The following MYLK variants were observed in gnomAD, a reference collection of about 807,000 sequenced individuals.
MYLK encodes myosin light chain kinase, also known as myosin light chain kinase, smooth muscle.
A neutral mutation model predicts 203.4 loss-of-function variants in MYLK; 106 were observed. The ratio of observed to expected loss-of-function variants is 0.52; its 90% CI spans 0.45 to 0.61. MYLK has a LOEUF of 0.61. Among genes scored for constraint, MYLK ranks in the 20% least tolerant of loss-of-function variants. The pLI, the probability that MYLK is intolerant of heterozygous loss-of-function variation, is 0.00. For missense variants in MYLK, 2,072 were observed against 2,442.3 expected, an observed-to-expected ratio of 0.85 and a Z score of 3.20; for synonymous variants, 867 against 959.5, an observed-to-expected ratio of 0.90 and a Z score of 1.78.
At chr3:123,679,105 G>T (rs370796163) in intron 20 of MYLK, among the ~76,000 whole-genome samples, 3 of 152,022 alleles carry the variant, frequency 2.0e-5, no homozygotes, top group African/African-American at 7.2e-5. Context: ...TCAAGAGATC[G>T]AGACCATCCT....
At chr3:123,757,201 T>C (rs1288818879) in intron 4 of MYLK, among the ~76,000 whole-genome samples, 1 of 152,192 alleles carries the variant, frequency 6.6e-6, no homozygotes, top group Admixed American at 6.5e-5. Flanking sequence ...CTCTAACATA[T>C]ATCAAGGGCT....
At chr3:123,706,698 CTA>C (rs1353818192) in intron 16 of MYLK, among the ~76,000 whole-genome samples, 2 of 151,914 alleles carry the variant, frequency 1.3e-5, no homozygotes, top group Admixed American at 1.3e-4. Flanking sequence ...CCAATGTCGA[CTA>C]TGGGCTCTCC....
Position 123,613,842 on chromosome 3 carries a change from T to C in MYLK, c.*263A>G, listed in dbSNP as rs2057316365. 2 of 484,982 alleles carry C rather than the reference T, an allele frequency of 4.1e-6. No individual in the cohort carries two copies. Among genetic ancestry groups the C allele is most frequent in the Non-Finnish European group, 7.5e-6 (2 of 267,068 alleles). The allele number at this position is 484,982 out of a possible 1,614,324, so 30.0% of individuals were successfully genotyped here. ...TTGGTTACTTTCTCTCTAAAATCAATTGGTCAGTCAAGTTACTGGTGATTT... is the reference window on the plus strand; with the variant it reads ...TTGGTTACTTTCTCTCTAAAATCAACTGGTCAGTCAAGTTACTGGTGATTT... On this transcript the variant is annotated 3_prime_UTR_variant, in exon 34 of 34. Transcript: ENST00000360304.
intron 2 of MYLK, among the ~76,000 whole-genome samples, chr3:123,846,650 G>A (rs1375434586): frequency 1.3e-5 from 2 of 152,084 alleles, no homozygotes; most frequent in Admixed American, 6.6e-5. Context: ...AGCAGCGTAG[G>A]AGACTGTCAT....
At chr3:123,673,360 A>G (rs995782286) in intron 20 of MYLK, among the ~76,000 whole-genome samples, 1 of 151,408 alleles carries the variant, frequency 6.6e-6, no homozygotes. Flanking sequence ...GTGAGCTCCC[A>G]CTTTGGCCTC....
At chr3:123,705,316 G>A (rs1402181125) in intron 16 of MYLK, among the ~76,000 whole-genome samples, 1 of 152,194 alleles carries the variant, frequency 6.6e-6, no homozygotes, top group East Asian at 1.9e-4. Context: ...AGTGGCCTCC[G>A]AAAGGAATGA....
intron 4 of MYLK, among the ~76,000 whole-genome samples, chr3:123,759,706 A>C (rs1017733246): frequency 6.6e-6 from 1 of 152,224 alleles, no homozygotes; most frequent in African/African-American, 2.4e-5. Context: ...TTATCTTTGA[A>C]TATTGAGAGA....
intron 3 of MYLK, among the ~76,000 whole-genome samples, chr3:123,811,985 A>C (rs1011567810): frequency 6.6e-6 from 1 of 152,200 alleles, no homozygotes; most frequent in Non-Finnish European, 1.5e-5. Flanking sequence ...TATCACCTGG[A>C]GCTTTTATCA....
At chr3:123,685,738 C>T (rs1450377527) in intron 19 of MYLK, among the ~76,000 whole-genome samples, 1 of 152,210 alleles carries the variant, frequency 6.6e-6, no homozygotes, top group Non-Finnish European at 1.5e-5. Flanking sequence ...ACACTCCCTG[C>T]CCTGCCCCAT....
At chr3:123,708,615 T>G in intron 15 of MYLK, 83 bp downstream of exon 15, 7 of 1,510,798 alleles carry the variant, frequency 4.6e-6, no homozygotes, top group Non-Finnish European at 5.5e-6. Context: ...AGTAGCCTCA[T>G]GTGGTTTCCT....
chr3:123,701,778 G>T (rs1335014731), intron 16 of MYLK, among the ~76,000 whole-genome samples: 1 of 152,220 alleles, frequency 6.6e-6, no homozygotes, highest in East Asian at 1.9e-4. Context: ...ACACTTTTCT[G>T]TAAGTATATA....
chr3:123,691,124 C>T (rs900436108), intron 19 of MYLK: 5 of 152,196 alleles, frequency 3.3e-5, no homozygotes, highest in African/African-American at 9.7e-5. Context: ...CTCCGAAAGC[C>T]GATAACCTCC....
Position 123,768,787 on chromosome 3 carries a change from C to A in MYLK, c.166-16249G>T, listed in dbSNP as rs16834753. On this transcript the variant is annotated intron_variant, in intron 4 of 33. Transcript: ENST00000360304. Reference sequence around the variant, plus strand: ...ATTTTTCCTCCTAATTGTGTCCTTTCGAAACATCTTCACCATACACTGTCT... The same window carrying A: ...ATTTTTCCTCCTAATTGTGTCCTTTAGAAACATCTTCACCATACACTGTCT... 3.6e-3 allele frequency among the ~76,000 whole-genome samples: 546 copies of A among 152,304 alleles called. 13 individuals carry two copies. The highest frequency in any genetic ancestry group is 0.029 in the Admixed American group (444 of 15,302).
At chr3:123,717,386 G>A (rs1411919146) in intron 13 of MYLK, among the ~76,000 whole-genome samples, 1 of 152,156 alleles carries the variant, frequency 6.6e-6, no homozygotes, top group Non-Finnish European at 1.5e-5. Context: ...TAATAAATAT[G>A]CTTGTTATAT....
At chr3:123,759,921 G>C (rs371479929) in intron 4 of MYLK, among the ~76,000 whole-genome samples, 1 of 152,266 alleles carries the variant, frequency 6.6e-6, no homozygotes, top group Non-Finnish European at 1.5e-5. Flanking sequence ...CTCTGGACCC[G>C]CTCAGGTATA....
intron 13 of MYLK, among the ~76,000 whole-genome samples, chr3:123,714,386 C>T (rs2061822528): frequency 1.3e-5 from 2 of 152,160 alleles, no homozygotes; most frequent in Admixed American, 1.3e-4. Context: ...CTACCCATTA[C>T]CCTGGGAGTC....
chr3:123,636,610 C>T (rs1014109318), intron 29 of MYLK, among the ~76,000 whole-genome samples: 5 of 152,190 alleles, frequency 3.3e-5, no homozygotes, highest in African/African-American at 9.6e-5. Flanking sequence ...GGCCTGGGGC[C>T]GCCCTGAAAG....
rs1318837657 is a variant in MYLK at position 123,614,183 on chromosome 3, T to C, written c.5667A>G (p.Gly1889=). 3.1e-6 allele frequency: 5 copies of C among 1,614,086 alleles called. No individual in the cohort carries two copies. Among genetic ancestry groups the C allele is most frequent in the Non-Finnish European group, 4.2e-6 (5 of 1,180,048 alleles). Residue 1889 remains glycine, a synonymous_variant, in exon 34 of 34, where the codon GGA becomes GGG. Coordinates refer to ENST00000360304, the MANE Select transcript of MYLK (RefSeq NM_053025.4). ...KYTCKAVNSL[G]EATCTAELIV... ...TGAGCTCTGCTGTGCAGGTGGCTTC[T>C]CCAAGACTGTTGACAGCCTTGCAGG...
intron 24 of MYLK, among the ~76,000 whole-genome samples, chr3:123,656,317 T>G (rs2059386816): frequency 6.6e-6 from 1 of 152,196 alleles, no homozygotes; most frequent in Admixed American, 6.5e-5. Context: ...TTTCCCTAGT[T>G]CTCTGAAAAC....
Sources: gnomAD v4.1 joint callset for allele counts (sites outside exome capture counted in the v4.1 genomes callset) on GRCh38, gnomAD v4.1.1 for gene constraint, MANE v1.5 for transcripts, NCBI Gene and HGNC (gene_info 2026-07-23, HGNC 2026-07-21) for gene names.